ADAD2: variants seen among roughly 807,000 people sequenced by gnomAD.
ADAD2 encodes adenosine deaminase domain-containing protein 2.
In ADAD2, 60 loss-of-function variants were observed where a neutral mutation model predicts 54.5. The ratio of observed to expected loss-of-function variants is 1.10; its 90% CI spans 0.89 to 1.36. ADAD2 has a LOEUF of 1.36. Ranked by LOEUF, ADAD2 falls within the 40% of genes most tolerant of loss-of-function variation. The pLI, the probability that ADAD2 is intolerant of heterozygous loss-of-function variation, is 0.00. For synonymous variants in ADAD2, 543 were observed against 366.2 expected, an observed-to-expected ratio of 1.48 and a Z score of -5.51; for missense variants, 1,103 against 801.3, an observed-to-expected ratio of 1.38 and a Z score of -4.54.
Position 84,196,174 on chromosome 16 carries a change from CGGCCCTGCCTGGACAGTGTCCTGG to C in ADAD2, c.1335_1358del (p.Asp448_Leu455del). The C allele has an allele frequency of 1.2e-6, 2 of 1,607,700 alleles. No homozygotes were observed. The highest frequency in any genetic ancestry group is 1.7e-6 in the Non-Finnish European group (2 of 1,179,888). Reference sequence around the variant, plus strand: ...GACTCTGAGCAGGGCCATCCACACCCGGCCCTGCCTGGACAGTGTCCTGGGGCCATGCCTGCCACCTCCCTACGT... The same window carrying C: ...GACTCTGAGCAGGGCCATCCACACCCGGCCATGCCTGCCACCTCCCTACGT... On this transcript the variant is annotated inframe_deletion, in exon 8 of 10. Coordinates refer to ENST00000315906, the MANE Select transcript of ADAD2 (RefSeq NM_001145400.2).
At chr16:84,192,574 C>G (rs572799082) in intron 1 of ADAD2, 1 of 152,442 alleles carries the variant, frequency 6.6e-6, no homozygotes, top group East Asian at 1.9e-4. Context: ...GAGTTTCACT[C>G]TTGTGGCCCA....
rs1354934800 is a variant in ADAD2 at position 84,194,799 on chromosome 16, C to A, written c.560-134C>A. 7 of 1,274,120 alleles carry A rather than the reference C, an allele frequency of 5.5e-6. No individual in the cohort carries two copies. In the East Asian group the frequency reaches 1.5e-4, roughly 28 times the overall value. 78.9% of individuals were successfully genotyped at this position (1,274,120 alleles called of 1,614,324 possible). The stretch of plus-strand genomic sequence containing the variant: ...CCTCTGGGGACACCGGGGGTAGGGA[C>A]CGCTAGAAGAGCAGCTCGTGTAATG... On this transcript the variant is annotated intron_variant, in intron 2 of 9. Transcript: ENST00000315906.
At chr16:84,194,176 C>T (rs1389247283) in intron 1 of ADAD2, 1 of 1,597,034 alleles carries the variant, frequency 6.3e-7, no homozygotes, top group African/African-American at 1.3e-5. Flanking sequence ...GCCGTTTCTG[C>T]TCATCTGTGA....
intron 1 of ADAD2, chr16:84,192,504 A>G (rs1381550400): frequency 6.6e-6 from 1 of 152,338 alleles, no homozygotes; most frequent in Non-Finnish European, 1.5e-5. Context: ...CTGTAAATAC[A>G]TTCACGTGTT....
intron 4 of ADAD2, 49 bp from the exon 5 acceptor site, chr16:84,195,247 C>T (rs1487917204): frequency 1.2e-6 from 2 of 1,611,042 alleles, no homozygotes; most frequent in East Asian, 4.5e-5. Flanking sequence ...GAAGGGCCCC[C>T]TCAAGCTCCT....
At position 84,195,837 on chromosome 16, in the gene ADAD2, G is replaced by T; in HGVS notation, c.1075G>T (p.Gly359Cys). ...CAGCCTGCCCCCCACCTCGGAAGGT[G>T]GCCTCCCGCACAGCCCACCCATGCG... is the stretch of plus-strand genomic sequence containing the variant. ...DIYLPPTSEG[G>C]LPHSPPMRLQ... is the part of the protein sequence containing the mutation. The change falls in exon 7 of 10, where the codon GGC becomes TGC. Residue 359 changes from glycine (G) to cysteine (C), a missense_variant. Transcript: ENST00000315906. 1.2e-6 allele frequency: 2 copies of T among 1,605,428 alleles called. No homozygotes were observed. The highest frequency in any genetic ancestry group is 1.7e-6 in the Non-Finnish European group (2 of 1,177,444).
In ADAD2 at chr16:84,196,231, G is replaced by A. The variant is rs951758185; in HGVS notation, c.1387G>A (p.Ala463Thr). Residue 463 changes from alanine to threonine, a missense_variant, in exon 8 of 10, where the codon GCC becomes ACC. Ala to Thr is a moderately conservative substitution (Grantham distance 58). Transcript: ENST00000315906. Reference protein sequence around the residue: ...PCLPPPYVRTALHLFAGPPVA... With the variant: ...PCLPPPYVRTTLHLFAGPPVA... ...CCTGCCACCTCCCTACGTCCGGACC[G>A]CCCTGCACCTGTTTGCAGGGCCCCC... 1.3e-5 allele frequency: 21 copies of A among 1,611,508 alleles called. No homozygotes were observed. The highest frequency in any genetic ancestry group is 9.4e-5 in the African/African-American group (7 of 74,866).
At position 84,195,688 on chromosome 16, in the gene ADAD2, G is replaced by A. The variant is rs763031674; in HGVS notation, c.1043G>A (p.Arg348His). 9.8e-5 allele frequency: 152 copies of A among 1,554,704 alleles called. No individual in the cohort carries two copies. Among genetic ancestry groups the A allele is most frequent in the Middle Eastern group, 1.7e-4 (1 of 5,802 alleles). The change falls in exon 6 of 10, where the codon CGT (arginine) becomes CAT (histidine). Residue 348 changes from arginine (R) to histidine (H), a missense_variant. By Grantham distance (29) the Arg-to-His change is conservative (BLOSUM62 0). Transcript: ENST00000315906. ...AGCAACACCCCCAAGGGCGCGGCCC[G>A]TGACATCTAGTATGCAGGGCCCCCG... ...YISNTPKGAA[R>H]DIYLPPTSEG...
intron 6 of ADAD2, 51 bp downstream of exon 6, chr16:84,195,748 T>G: frequency 6.5e-7 from 1 of 1,534,506 alleles, no homozygotes; most frequent in Non-Finnish European, 8.8e-7. Flanking sequence ...TCGGTTGGGC[T>G]GCTGGGTGGG....
At position 84,196,894 on chromosome 16, in the gene ADAD2, A is replaced by C. The variant is rs2303243; in HGVS notation, c.1672A>C (p.Arg558=). The C allele has an allele frequency of 0.29, 467,424 of 1,591,688 alleles. 72,004 individuals carry two copies. Among genetic ancestry groups the C allele is most frequent in the African/African-American group, 0.53 (39,680 of 74,460 alleles). ...AKAGPYQEAR[R]QLSLLLDQQG... ...GGCTGGGCCCTACCAGGAGGCTCGC[A>C]GGCAGCTGTCTCTCCTCCTGGACCA... The change falls in exon 10 of 10, where the codon AGG becomes CGG. Residue 558 remains arginine (R), a synonymous_variant. Coordinates refer to ENST00000315906, the MANE Select transcript of ADAD2 (RefSeq NM_001145400.2).
At position 84,191,835 on chromosome 16, in the gene ADAD2, A is replaced by G. The variant is rs374248898; in HGVS notation, c.418+187A>G. On this transcript the variant is annotated intron_variant, in intron 1 of 9. Transcript: ENST00000315906. ...ACCCTGCTGTGAGCAGCGATCTCCA[A>G]GGATCACCAGCCACACCAGATGCTC... 236 of 816,448 alleles carry G rather than the reference A, an allele frequency of 2.9e-4. 1 individual carries two copies. The highest frequency in any genetic ancestry group is 2.8e-3 in the African/African-American group (168 of 59,480). The allele number at this position is 816,448 out of a possible 1,614,324, so 50.6% of individuals were successfully genotyped here.
In ADAD2 at chr16:84,196,249, G is replaced by T; in HGVS notation, c.1405G>T (p.Gly469Trp). Reference sequence around the variant, plus strand: ...CCGGACCGCCCTGCACCTGTTTGCAGGGCCCCCGGTGGCCCCTTCCGAACC... The same window carrying T: ...CCGGACCGCCCTGCACCTGTTTGCATGGCCCCCGGTGGCCCCTTCCGAACC... ...YVRTALHLFA[G>W]PPVAPSEPTP... Residue 469 changes from glycine to tryptophan, a missense_variant, in exon 8 of 10, where the codon GGG becomes TGG. Physicochemically the swap from Gly to Trp is radical, Grantham distance 184 (BLOSUM62 -2). Transcript: ENST00000315906. The T allele has an allele frequency of 6.2e-7, 1 of 1,612,448 alleles. No homozygotes were observed. The highest frequency in any genetic ancestry group is 8.5e-7 in the Non-Finnish European group (1 of 1,179,926).
chr16:84,194,555 T>G lies in ADAD2; in HGVS notation c.532T>G (p.Tyr178Asp). ...GCAGGCAGCGCTCTCTGCCCTCTGC[T>G]ACATCCGGAGTCAGCTGGAGAACCC... ...KQQAALSALC[Y>D]IRSQLENPES... Residue 178 changes from tyrosine to aspartate, a missense_variant, in exon 2 of 10, where the codon TAC becomes GAC. Transcript: ENST00000315906. 1 of 1,608,326 alleles carries G rather than the reference T, an allele frequency of 6.2e-7. No homozygotes were observed. The highest frequency in any genetic ancestry group is 8.5e-7 in the Non-Finnish European group (1 of 1,177,580).
At position 84,195,811 on chromosome 16, in the gene ADAD2, G is replaced by T. The variant is rs754752264; in HGVS notation, c.1053-4G>T. 3.8e-6 allele frequency: 6 copies of T among 1,594,830 alleles called. No individual in the cohort carries two copies. Among genetic ancestry groups the T allele is most frequent in the Non-Finnish European group, 4.3e-6 (5 of 1,171,036 alleles). On this transcript the variant is annotated splice_region_variant and splice_polypyrimidine_tract_variant and intron_variant, in intron 6 of 9. Coordinates refer to ENST00000315906, the MANE Select transcript of ADAD2 (RefSeq NM_001145400.2). ...GCTGATGTCTGTCCCCACCCGGCCCGCAGCCTGCCCCCCACCTCGGAAGGT... is the reference window on the plus strand; with the variant it reads ...GCTGATGTCTGTCCCCACCCGGCCCTCAGCCTGCCCCCCACCTCGGAAGGT...
Position 84,191,558 on chromosome 16 carries a change from G to T in ADAD2, c.328G>T (p.Asp110Tyr). The change falls in exon 1 of 10, where the codon GAC (aspartate) becomes TAC (tyrosine). Residue 110 changes from aspartate to tyrosine, a missense_variant. Transcript: ENST00000315906. Reference sequence around the variant, plus strand: ...AGCAGGGCTCAGCCTGCCGCTCAAAGACCCACCTGCCAGCCAGGCCGTGTC... The same window carrying T: ...AGCAGGGCTCAGCCTGCCGCTCAAATACCCACCTGCCAGCCAGGCCGTGTC... Reference protein sequence around the residue: ...PPAGLSLPLKDPPASQAVSLL... With the variant: ...PPAGLSLPLKYPPASQAVSLL... The T allele has an allele frequency of 6.5e-7, 1 of 1,548,774 alleles. No homozygotes were observed. The highest frequency in any genetic ancestry group is 8.7e-7 in the Non-Finnish European group (1 of 1,146,782).
chr16:84,195,598 C>A lies in ADAD2; in HGVS notation c.953C>A (p.Ala318Asp), dbSNP rs1477843985. Residue 318 changes from alanine to aspartate, a missense_variant, in exon 6 of 10, where the codon GCC becomes GAC. Transcript: ENST00000315906. ...GPKGKEQSVL[A>D]PQPGPGPPFT... Reference sequence around the variant, plus strand: ...AAGGGCAAGGAGCAGTCCGTGCTGGCCCCCCAGCCAGGGCCCGGACCCCCA... The same window carrying A: ...AAGGGCAAGGAGCAGTCCGTGCTGGACCCCCAGCCAGGGCCCGGACCCCCA... 2 of 1,603,654 alleles carry A rather than the reference C, an allele frequency of 1.2e-6. No individual in the cohort carries two copies. The highest frequency in any genetic ancestry group is 2.2e-5 in the South Asian group (2 of 89,896).
intron 1 of ADAD2, 180 bp from the exon 2 acceptor site, chr16:84,194,262 G>C (rs756759486): frequency 3.9e-6 from 6 of 1,553,238 alleles, no homozygotes. Context: ...ACAGCCTGCA[G>C]AGGCACTCAA....
rs2089722510 is a variant in ADAD2, at chr16:84,195,867, C to T, written c.1105C>T (p.Gln369Ter). 1.9e-6 allele frequency: 3 copies of T among 1,606,148 alleles called. No homozygotes were observed. Among genetic ancestry groups the T allele is most frequent in the Non-Finnish European group, 2.5e-6 (3 of 1,179,316 alleles). Residue 369 changes from glutamine to a stop codon, truncating the protein, a stop_gained, in exon 7 of 10, where the codon CAG becomes TAG. Transcript: ENST00000315906. LOFTEE classifies it high-confidence loss of function. ...CCCGCACAGCCCACCCATGCGCCTG[C>T]AGGCCCATGTGCTCGGGCAGCTGAA... ...GLPHSPPMRL[Q>*]AHVLGQLKPV...
chr16:84,196,974 AAGCC>A lies in ADAD2; in HGVS notation c.*5_*8del. 1 of 1,597,368 alleles carries A rather than the reference AAGCC, an allele frequency of 6.3e-7. No homozygotes were observed. On this transcript the variant is annotated 3_prime_UTR_variant, in exon 10 of 10. Coordinates refer to ENST00000315906, the MANE Select transcript of ADAD2 (RefSeq NM_001145400.2). Reference sequence around the variant, plus strand: ...CACTGGTGGGCAAATTCAGAAACTGAAGCCAGCCTCGGCGGGACCGAGGTCCCGG... The same window carrying A: ...CACTGGTGGGCAAATTCAGAAACTGAAGCCTCGGCGGGACCGAGGTCCCGG...
Sources: allele counts gnomAD v4.1 joint callset, GRCh38; gene constraint gnomAD v4.1.1; transcripts MANE v1.5; gene names NCBI Gene and HGNC (gene_info 2026-07-23, HGNC 2026-07-21).